Variants in DLGAP1 observed in about 807,000 individuals in gnomAD.
The protein encoded by DLGAP1 is disks large-associated protein 1.
Under a neutral mutation model 90.8 loss-of-function variants are expected in DLGAP1, and 11 were observed. That is an observed-to-expected ratio of 0.12 (90% CI 0.08 to 0.20). The LOEUF (loss-of-function observed/expected upper bound fraction) is 0.20, where lower values mean the gene tolerates loss of function less well. Among genes scored for constraint, DLGAP1 ranks in the 10% least tolerant of loss-of-function variants. The pLI is 1.00. For synonymous variants in DLGAP1, 558 were observed against 540.7 expected (o/e 1.03, Z -0.44); for missense variants, 1,050 against 1,333.8 (o/e 0.79, Z 3.31).
At position 3,565,934 on chromosome 18, in the gene DLGAP1, G is replaced by A. The variant is rs949381609; in HGVS notation, c.2057+1556C>T. Among the ~76,000 whole-genome samples, 3 of 152,054 alleles carry A rather than the reference G, an allele frequency of 2.0e-5. No homozygotes were observed. The highest frequency in any genetic ancestry group is 2.1e-4 in the South Asian group (1 of 4,814). ...TCACTCCTAAACCTACCATTTGTAC[G>A]TATTACATTTCAGTCCTTGTCCATC... is the stretch of plus-strand genomic sequence containing the variant. On this transcript the variant is annotated intron_variant, in intron 9 of 12. Coordinates refer to ENST00000315677, the MANE Select transcript of DLGAP1 (RefSeq NM_004746.4). This position sits in a 1 kb window ranked among gnomAD's most constrained non-coding sequence, Gnocchi z 4.0.
chr18:4,385,641 T>C (rs1343087731), intron 1 of DLGAP1, among the ~76,000 whole-genome samples: 1 of 152,142 alleles, frequency 6.6e-6, no homozygotes. Context: ...TAGCATCCAA[T>C]TGACAGGCTG....
intron 1 of DLGAP1, among the ~76,000 whole-genome samples, chr18:4,407,618 C>T (rs1479375043): frequency 3.9e-5 from 6 of 152,098 alleles, no homozygotes; most frequent in Non-Finnish European, 8.8e-5. Flanking sequence ...CTGGCTCACG[C>T]CTGTAATCCC....
Position 3,582,205 on chromosome 18 carries a change from G to A in DLGAP1, c.1635C>T (p.Val545=). Residue 545 remains valine (V), a synonymous_variant, in exon 8 of 13, where the codon GTC becomes GTT. Transcript: ENST00000315677. The stretch of plus-strand genomic sequence containing the variant: ...AAGGTTTCGTGGTAGTTCTGGGTGG[G>A]ACTGGAGGTGGTGTCTTCTTATATG... The part of the protein sequence containing the change: ...ITTYKKTPPP[V]PPRTTTKPFI... 3 of 1,614,144 alleles carry A rather than the reference G, an allele frequency of 1.9e-6. No homozygotes were observed. Among genetic ancestry groups the A allele is most frequent in the Non-Finnish European group, 2.5e-6 (3 of 1,180,034 alleles).
intron 2 of DLGAP1, among the ~76,000 whole-genome samples, chr18:4,065,348 AG>A: frequency 6.6e-6 from 1 of 152,240 alleles, no homozygotes; most frequent in Non-Finnish European, 1.5e-5. Context: ...AGAGAAATAA[AG>A]GGCATTTAAA....
chr18:3,516,853 A>G (rs1052697628), intron 10 of DLGAP1, among the ~76,000 whole-genome samples: 1 of 152,234 alleles, frequency 6.6e-6, no homozygotes, highest in Non-Finnish European at 1.5e-5. Context: ...TATGGGAATT[A>G]TGGAGGCTAC....
intron 5 of DLGAP1, among the ~76,000 whole-genome samples, chr18:3,800,986 G>A (rs2066262979): frequency 6.6e-6 from 1 of 152,160 alleles, no homozygotes; most frequent in Admixed American, 6.5e-5. Context: ...GGTGCTGGTA[G>A]CTGCTTCTGG....
At chr18:4,039,420 G>A (rs903174220) in intron 2 of DLGAP1, among the ~76,000 whole-genome samples, 10 of 152,170 alleles carry the variant, frequency 6.6e-5, no homozygotes, top group East Asian at 1.9e-4. Flanking sequence ...GTAGGGTAGG[G>A]TGGATGTTGC....
intron 5 of DLGAP1, among the ~76,000 whole-genome samples, chr18:3,742,815 GA>G (rs1486353191): frequency 1.3e-5 from 2 of 152,158 alleles, no homozygotes; most frequent in East Asian, 3.8e-4. Context: ...TCCTGCCCAG[GA>G]ATTCTGACTT....
chr18:4,034,185 G>A (rs1202937004), intron 2 of DLGAP1, among the ~76,000 whole-genome samples: 1 of 151,836 alleles, frequency 6.6e-6, no homozygotes, highest in African/African-American at 2.4e-5. Flanking sequence ...GGGATTACAA[G>A]CGCCCACCAC....
At chr18:3,970,483 C>T (rs545161049) in intron 3 of DLGAP1, among the ~76,000 whole-genome samples, 14 of 152,136 alleles carry the variant, frequency 9.2e-5, no homozygotes, top group East Asian at 7.7e-4. Flanking sequence ...CTGTCAAAAG[C>T]GATTTTACAA....
chr18:3,520,534 G>A (rs760877562), intron 10 of DLGAP1, among the ~76,000 whole-genome samples: 13 of 152,116 alleles, frequency 8.5e-5, no homozygotes, highest in Non-Finnish European at 1.5e-4. Flanking sequence ...TCATTCTCAT[G>A]GGCCCTAATC....
intron 2 of DLGAP1, among the ~76,000 whole-genome samples, chr18:4,019,796 T>C (rs764786716): frequency 1.3e-5 from 2 of 150,686 alleles, no homozygotes; most frequent in African/African-American, 2.5e-5. Context: ...ACGAGACACA[T>C]AGGCGCGCGC....
chr18:3,666,016 A>C (rs947294277), intron 7 of DLGAP1, among the ~76,000 whole-genome samples: 1 of 152,160 alleles, frequency 6.6e-6, no homozygotes, highest in African/African-American at 2.4e-5. Flanking sequence ...ATTACCTTAA[A>C]GGGAGCCCGG....
intron 1 of DLGAP1, among the ~76,000 whole-genome samples, chr18:4,172,141 T>G (rs915678233): frequency 1.6e-4 from 24 of 152,222 alleles, no homozygotes; most frequent in African/African-American, 5.5e-4. Flanking sequence ...ATTAGAAAGT[T>G]GATCCAATGG....
intron 2 of DLGAP1, among the ~76,000 whole-genome samples, chr18:4,092,863 G>C (rs1031696621): frequency 6.6e-6 from 1 of 151,952 alleles, no homozygotes; most frequent in African/African-American, 2.4e-5. Flanking sequence ...CAGCTTCTGG[G>C]GTTCTGCACC....
chr18:4,199,295 C>T (rs764995806), intron 1 of DLGAP1, among the ~76,000 whole-genome samples: 2 of 152,106 alleles, frequency 1.3e-5, no homozygotes, highest in African/African-American at 2.4e-5. Flanking sequence ...TCCAGCGTGG[C>T]GTAAAGAAAG....
At chr18:3,970,760 TTAATATTAACATTAAAAATCTGGAAG>T (rs1341559351) in intron 3 of DLGAP1, among the ~76,000 whole-genome samples, 3 of 148,556 alleles carry the variant, frequency 2.0e-5, no homozygotes, top group Non-Finnish European at 4.4e-5. Flanking sequence ...TATCTTGACA[TTAATATTAACATTAAAAATCTGGAAG>T]CAAAAGGGTT....
chr18:4,277,787 A>T (rs1170906897), intron 1 of DLGAP1, among the ~76,000 whole-genome samples: 1 of 152,144 alleles, frequency 6.6e-6, no homozygotes, highest in Non-Finnish European at 1.5e-5. Context: ...TCCCACTGTC[A>T]CTTTATGTAT....
At chr18:4,305,268 C>G (rs915929900) in intron 1 of DLGAP1, among the ~76,000 whole-genome samples, 1 of 152,056 alleles carries the variant, frequency 6.6e-6, no homozygotes, top group Non-Finnish European at 1.5e-5. Flanking sequence ...GGCGTGGTGG[C>G]TCACGCCTGT....
Sources: allele counts gnomAD v4.1 joint callset (sites outside exome capture counted in the v4.1 genomes callset), GRCh38; gene constraint gnomAD v4.1.1; non-coding constraint Gnocchi (gnomAD v3.1); transcripts MANE v1.5; gene names NCBI Gene and HGNC (gene_info 2026-07-23, HGNC 2026-07-21).